The following COX10 variants were observed in gnomAD, a reference collection of about 807,000 sequenced individuals.
COX10 encodes the protein cytochrome c oxidase assembly factor heme A:farnesyltransferase COX10, also known as protoheme IX farnesyltransferase, mitochondrial.
In COX10, 27 loss-of-function variants were observed where a neutral mutation model predicts 37.3. The observed-to-expected ratio is 0.72, with a 90% confidence interval of 0.53 to 1.00. The LOEUF (loss-of-function observed/expected upper bound fraction) is 1.00. Ranked by LOEUF, COX10 falls within the 50% of genes least tolerant of loss-of-function variation. The probability of loss-of-function intolerance (pLI) is 0.00; values close to 1 mark genes in which losing one functional copy is unlikely to be tolerated. For missense variants in COX10, 475 were observed against 563.2 expected, an observed-to-expected ratio of 0.84 and a Z score of 1.59; for synonymous variants, 222 against 229.1, an observed-to-expected ratio of 0.97 and a Z score of 0.28.
At chr17:14,201,532 T>C (rs1429226938) in intron 6 of COX10, among the ~76,000 whole-genome samples, 1 of 152,190 alleles carries the variant, frequency 6.6e-6, no homozygotes, top group African/African-American at 2.4e-5. Context: ...AAAAGTGTAT[T>C]GAGCAAAACA....
intron 5 of COX10, among the ~76,000 whole-genome samples, chr17:14,179,014 G>A (rs1179062653): frequency 2.6e-5 from 4 of 152,130 alleles, no homozygotes; most frequent in Non-Finnish European, 4.4e-5. Flanking sequence ...CTATGATTCT[G>A]CTTTGTAACT....
chr17:14,072,835 T>C (rs1161084577), intron 1 of COX10, among the ~76,000 whole-genome samples: 3 of 152,166 alleles, frequency 2.0e-5, no homozygotes, highest in Non-Finnish European at 4.4e-5. Flanking sequence ...CATTTCCTTA[T>C]TATATAAAAG....
At chr17:14,150,891 A>C (rs1904874983) in intron 4 of COX10, among the ~76,000 whole-genome samples, 2 of 152,224 alleles carry the variant, frequency 1.3e-5, no homozygotes, top group Non-Finnish European at 2.9e-5. Context: ...TGTTCTCTGA[A>C]GTAGTGAGGG....
chr17:14,150,367 A>G (rs561398558), intron 4 of COX10, among the ~76,000 whole-genome samples: 1 of 152,314 alleles, frequency 6.6e-6, no homozygotes, highest in South Asian at 2.1e-4. Flanking sequence ...TCTTTTGAAA[A>G]TTTAACCTAG....
chr17:14,076,697 G>T, intron 2 of COX10, 38 bp from the exon 3 acceptor site: 1 of 1,601,570 alleles, frequency 6.2e-7, no homozygotes, highest in Non-Finnish European at 8.6e-7. Flanking sequence ...GAGCATTTGG[G>T]GCCTTGGTTT....
At chr17:14,077,339 G>T in intron 3 of COX10, 1 of 388,580 alleles carries the variant, frequency 2.6e-6, no homozygotes. Context: ...TGTCTTTAGT[G>T]TTTTTACACC....
intron 5 of COX10, among the ~76,000 whole-genome samples, chr17:14,188,122 G>A (rs1342345064): frequency 3.0e-5 from 1 of 33,488 alleles, no homozygotes; most frequent in East Asian, 8.8e-4. Context: ...TTTTTTTTTT[G>A]ACACAAGGGC....
chr17:14,168,829 C>T (rs1905368054), intron 5 of COX10, among the ~76,000 whole-genome samples: 1 of 152,214 alleles, frequency 6.6e-6, no homozygotes, highest in Non-Finnish European at 1.5e-5. Context: ...TGCCTCTGGG[C>T]CTGTGATGGG....
At chr17:14,178,723 C>G (rs187095276) in intron 5 of COX10, among the ~76,000 whole-genome samples, 28 of 152,324 alleles carry the variant, frequency 1.8e-4, no homozygotes, top group Non-Finnish European at 2.9e-4. Context: ...GCCAACCACT[C>G]TTCACTTAAA....
chr17:14,143,485 A>G (rs150356761), intron 4 of COX10, among the ~76,000 whole-genome samples: 2 of 152,308 alleles, frequency 1.3e-5, no homozygotes, highest in East Asian at 3.9e-4. Flanking sequence ...GAAATGCACT[A>G]TAATTGCTTG....
chr17:14,074,350 T>C lies in COX10; in HGVS notation c.71T>C (p.Leu24Pro). The C allele has an allele frequency of 6.2e-7, 1 of 1,614,120 alleles. No individual in the cohort carries two copies. Among genetic ancestry groups the C allele is most frequent in the Non-Finnish European group, 8.5e-7 (1 of 1,179,966 alleles). The part of the protein sequence containing the change: ...TGCVGGSVWY[L>P]ERRTIQDSPH... ...TGCGTAGGAGGCTCTGTCTGGTATC[T>C]TGAAAGAAGAACTATACAGGACTCC... Residue 24 changes from leucine to proline, a missense_variant, in exon 2 of 7, where the codon CTT (leucine) becomes CCT (proline). By Grantham distance (98) the Leu-to-Pro change is moderately conservative. This residue lies in a region of COX10 where 242 missense variants were observed against 242.5 expected (regional missense o/e 1.00). Transcript: ENST00000261643.
At chr17:14,166,467 A>T (rs1312670748) in intron 5 of COX10, among the ~76,000 whole-genome samples, 1 of 152,188 alleles carries the variant, frequency 6.6e-6, no homozygotes, top group Non-Finnish European at 1.5e-5. Flanking sequence ...TCAGAGGAAA[A>T]GATTGCCTTC....
At chr17:14,077,263 A>G (rs1034873244) in intron 3 of COX10, 1 of 568,706 alleles carries the variant, frequency 1.8e-6, no homozygotes, top group African/African-American at 1.9e-5. Flanking sequence ...CATTGTAAGT[A>G]TTGTATTAAA....
chr17:14,088,844 A>G (rs921907645), intron 3 of COX10, among the ~76,000 whole-genome samples: 2 of 152,206 alleles, frequency 1.3e-5, no homozygotes, highest in African/African-American at 2.4e-5. Context: ...TCCTCAGACC[A>G]TGAGATGACT....
intron 4 of COX10, among the ~76,000 whole-genome samples, chr17:14,134,232 T>TATAAAACCTAAAAC (rs1266413567): frequency 1.3e-5 from 2 of 151,782 alleles, no homozygotes; most frequent in Non-Finnish European, 3.0e-5. Context: ...ATTTTTAGGT[T>TATAAAACCTAAAAC]TTATCTACTT....
chr17:14,163,817 T>C (rs1466669851), intron 5 of COX10, among the ~76,000 whole-genome samples: 1 of 152,244 alleles, frequency 6.6e-6, no homozygotes, highest in Non-Finnish European at 1.5e-5. Flanking sequence ...TGTCTGATTT[T>C]CTTTTTTAGT....
At chr17:14,143,729 C>CATAT (rs1029076977) in intron 4 of COX10, among the ~76,000 whole-genome samples, 7 of 152,166 alleles carry the variant, frequency 4.6e-5, no homozygotes, top group African/African-American at 1.7e-4. Flanking sequence ...TTATCAAAAG[C>CATAT]ATATGCAACT....
chr17:14,141,670 T>G (rs1904548676), intron 4 of COX10, among the ~76,000 whole-genome samples: 1 of 152,112 alleles, frequency 6.6e-6, no homozygotes, highest in Admixed American at 6.6e-5. Context: ...TGATTTAGCA[T>G]TACAGACTTT....
chr17:14,098,857 G>A (rs1915708717), intron 3 of COX10, among the ~76,000 whole-genome samples: 2 of 152,082 alleles, frequency 1.3e-5, no homozygotes, highest in Non-Finnish European at 2.9e-5. Flanking sequence ...TCTGCTCCAT[G>A]TGATTCTTTG....
Sources: gnomAD v4.1 joint callset for allele counts (sites outside exome capture counted in the v4.1 genomes callset) on GRCh38, gnomAD v4.1.1 for gene constraint, gnomAD v4.1.1 regional missense constraint, MANE v1.5 for transcripts, NCBI Gene and HGNC (gene_info 2026-07-23, HGNC 2026-07-21) for gene names.